TMEM184C: variants seen among roughly 807,000 people sequenced by gnomAD.
TMEM184C encodes transmembrane protein 34.
In TMEM184C, 25 loss-of-function variants were observed where a neutral mutation model predicts 54.5. The observed-to-expected ratio is 0.46, with a 90% CI of 0.33 to 0.64. The LOEUF is 0.64. TMEM184C is among the 30% of genes least tolerant of loss of function. The pLI is 0.02. For synonymous variants in TMEM184C, 148 were observed against 181.5 expected (o/e 0.82, Z 1.49); for missense variants, 335 against 520.3 (o/e 0.64, Z 3.46).
Position 147,617,748 on chromosome 4 carries a change from A to G in TMEM184C, c.-209A>G, listed in dbSNP as rs1356181681. ...AGGATGTTGCCTGCACTGCTCGCCA[A>G]TAGCACCCTGAGAGGCTACATTTGC... On this transcript the variant is annotated 5_prime_UTR_variant, in exon 1 of 10. Coordinates refer to ENST00000296582, the MANE Select transcript of TMEM184C (RefSeq NM_018241.3). 10 of 592,366 alleles carry G rather than the reference A, an allele frequency of 1.7e-5. No homozygotes were observed. The highest frequency in any genetic ancestry group is 3.7e-5 in the African/African-American group (2 of 53,762). 36.7% of individuals were successfully genotyped at this position (592,366 alleles called of 1,614,324 possible).
intron 4 of TMEM184C, among the ~76,000 whole-genome samples, chr4:147,627,329 C>T (rs901285643): frequency 2.0e-5 from 3 of 151,980 alleles, no homozygotes; most frequent in African/African-American, 7.2e-5. Context: ...CTTGCTCTGT[C>T]ACCCAGGCTA....
Position 147,631,489 on chromosome 4 carries a change from G to A in TMEM184C, c.763G>A (p.Val255Ile). 1 of 1,606,542 alleles carries A rather than the reference G, an allele frequency of 6.2e-7. No individual in the cohort carries two copies. The highest frequency in any genetic ancestry group is 8.5e-7 in the Non-Finnish European group (1 of 1,178,280). ...CAAATTTCTTTGTGTAAAGCTGGTG[G>A]TTTTTGTTTCTTTTTGGTAAGTGTT... ...VGKFLCVKLV[V>I]FVSFWQAVVI... Residue 255 changes from valine (V) to isoleucine (I), a missense_variant, in exon 7 of 10, where the codon GTT becomes ATT. Transcript: ENST00000296582.
intron 4 of TMEM184C, among the ~76,000 whole-genome samples, chr4:147,627,417 A>G (rs1732834384): frequency 6.6e-6 from 1 of 152,070 alleles, no homozygotes; most frequent in African/African-American, 2.4e-5. Flanking sequence ...CAGCCTCCCA[A>G]GTAGCTGGGA....
At position 147,622,225 on chromosome 4, in the gene TMEM184C, G is replaced by A. The variant is rs919744205; in HGVS notation, c.124-1609G>A. On this transcript the variant is annotated intron_variant, in intron 1 of 9. Transcript: ENST00000296582. ...CACAAAGTGTTGGGATTACAGGCAT[G>A]AGCCACCGCGCCTGGCCGCAGTACC... Among the ~76,000 whole-genome samples, 5 of 151,978 alleles carry A rather than the reference G, an allele frequency of 3.3e-5. No homozygotes were observed. In the South Asian group the frequency reaches 8.3e-4, roughly 25 times the overall value.
chr4:147,625,816 C>T (rs1288727923), intron 4 of TMEM184C, among the ~76,000 whole-genome samples: 5 of 152,084 alleles, frequency 3.3e-5, no homozygotes, highest in Non-Finnish European at 5.9e-5. Context: ...TTCATCAAGA[C>T]GGGAATTGCA....
chr4:147,634,468 A>G lies in TMEM184C; in HGVS notation c.*34A>G. 2 of 1,596,738 alleles carry G rather than the reference A, an allele frequency of 1.3e-6. No homozygotes were observed. The highest frequency in any genetic ancestry group is 2.2e-5 in the East Asian group (1 of 44,710). On this transcript the variant is annotated 3_prime_UTR_variant, in exon 10 of 10. Coordinates refer to ENST00000296582, the MANE Select transcript of TMEM184C (RefSeq NM_018241.3). ...GAAAAGCAAACTGTGCAACTACTAC[A>G]TTATATCATTACCTGGTATCCCATG... is the stretch of plus-strand genomic sequence containing the variant.
intron 4 of TMEM184C, among the ~76,000 whole-genome samples, chr4:147,625,933 A>G (rs1369643656): frequency 6.6e-6 from 1 of 152,130 alleles, no homozygotes; most frequent in Non-Finnish European, 1.5e-5. Flanking sequence ...TTTAAGGATA[A>G]TTTGCTGGGT....
Position 147,618,036 on chromosome 4 carries a change from T to C in TMEM184C, c.80T>C (p.Val27Ala), listed in dbSNP as rs780062111. 2 of 1,614,142 alleles carry C rather than the reference T, an allele frequency of 1.2e-6. No homozygotes were observed. The highest frequency in any genetic ancestry group is 1.1e-5 in the South Asian group (1 of 91,084). ...LVAVIYLVSI[V>A]VAVPLCVWEL... ...GCGGTCATCTACCTGGTGTCAATAG[T>C]GGTTGCGGTTCCCCTATGCGTGTGG... Residue 27 changes from valine (V) to alanine (A), a missense_variant, in exon 1 of 10, where the codon GTG (valine) becomes GCG (alanine). Val to Ala is a moderately conservative substitution (Grantham distance 64, BLOSUM62 0). Coordinates refer to ENST00000296582, the MANE Select transcript of TMEM184C (RefSeq NM_018241.3).
In TMEM184C at chr4:147,635,152, T is replaced by C. The variant is rs1262111926; in HGVS notation, c.*718T>C. ...GAACTTAATCATGTGCCATATAAGC[T>C]TACCTAACAAACAGTTATATCCCTA... On this transcript the variant is annotated 3_prime_UTR_variant, in exon 10 of 10. Coordinates refer to ENST00000296582, the MANE Select transcript of TMEM184C (RefSeq NM_018241.3). The C allele has an allele frequency of 6.6e-6, 1 of 152,222 alleles. No individual in the cohort carries two copies. The highest frequency in any genetic ancestry group is 1.5e-5 in the Non-Finnish European group (1 of 68,040). The allele number at this position is 152,222 out of a possible 1,614,324, so 9.4% of individuals were successfully genotyped here.
At chr4:147,632,841 T>A in intron 7 of TMEM184C, 62 bp from the exon 8 acceptor site, 1 of 1,499,390 alleles carries the variant, frequency 6.7e-7, no homozygotes, top group African/African-American at 1.4e-5. Flanking sequence ...GGCACATTTT[T>A]AAAACTACTG....
intron 4 of TMEM184C, among the ~76,000 whole-genome samples, chr4:147,627,716 A>T (rs1732839239): frequency 6.6e-6 from 1 of 152,152 alleles, no homozygotes; most frequent in African/African-American, 2.4e-5. Flanking sequence ...CCTGGGCAAC[A>T]TAGTGAGACT....
At chr4:147,624,023 C>CA (rs1732764392) in intron 2 of TMEM184C, 39 bp from the exon 3 acceptor site, 24 of 1,608,882 alleles carry the variant, frequency 1.5e-5, no homozygotes, top group Non-Finnish European at 2.0e-5. Flanking sequence ...ATAAATATGA[C>CA]ATAAAATGTT....
At chr4:147,624,185 T>C (rs1732766976) in intron 3 of TMEM184C, 87 bp downstream of exon 3, 1 of 1,190,344 alleles carries the variant, frequency 8.4e-7, no homozygotes, top group Admixed American at 2.4e-5. Context: ...TGAAAGTATG[T>C]TATTGACAAG....
chr4:147,632,178 A>G (rs974504327), intron 7 of TMEM184C, among the ~76,000 whole-genome samples: 7 of 151,608 alleles, frequency 4.6e-5, no homozygotes, highest in African/African-American at 1.7e-4. Context: ...GTCTCAAAAA[A>G]AAAAAAAAAA....
Position 147,631,525 on chromosome 4 carries a change from A to G in TMEM184C, c.779+20A>G. On this transcript the variant is annotated intron_variant, in intron 7 of 9. Transcript: ENST00000296582. ...TTTTTGGTAAGTGTTACTTTTTTTTAAATGTTCTCATTTTTTTAAGGGCAG... is the reference window on the plus strand; with the variant it reads ...TTTTTGGTAAGTGTTACTTTTTTTTGAATGTTCTCATTTTTTTAAGGGCAG... 1 of 1,575,076 alleles carries G rather than the reference A, an allele frequency of 6.3e-7. No homozygotes were observed. Among genetic ancestry groups the G allele is most frequent in the Non-Finnish European group, 8.7e-7 (1 of 1,152,186 alleles).
chr4:147,634,025 GAA>G, intron 9 of TMEM184C, 89 bp downstream of exon 9: 1 of 1,525,588 alleles, frequency 6.6e-7, no homozygotes, highest in South Asian at 1.3e-5. Context: ...ATTTAGAGAT[GAA>G]AAAAGACTTT....
At chr4:147,625,708 A>G (rs1378494996) in intron 4 of TMEM184C, among the ~76,000 whole-genome samples, 9 of 152,198 alleles carry the variant, frequency 5.9e-5, no homozygotes, top group Admixed American at 5.9e-4. Context: ...AATAGAAAAG[A>G]AAGGCAATAA....
chr4:147,627,435 C>T (rs569006906), intron 4 of TMEM184C, among the ~76,000 whole-genome samples: 17 of 152,096 alleles, frequency 1.1e-4, no homozygotes, highest in Non-Finnish European at 2.2e-4. Context: ...GGATTACAGG[C>T]GTGCCCGGCT....
At chr4:147,619,491 G>A (rs534370931) in intron 1 of TMEM184C, among the ~76,000 whole-genome samples, 6 of 152,096 alleles carry the variant, frequency 3.9e-5, no homozygotes, top group African/African-American at 1.2e-4. Flanking sequence ...CACCGCACCC[G>A]GCCCATATAG....
Sources: gnomAD v4.1 joint callset for allele counts (sites outside exome capture counted in the v4.1 genomes callset) on GRCh38, gnomAD v4.1.1 for gene constraint, MANE v1.5 for transcripts, NCBI Gene and HGNC (gene_info 2026-07-23, HGNC 2026-07-21) for gene names.